EFTUD2: variants seen among roughly 807,000 people sequenced by gnomAD.
EFTUD2 encodes the protein 116 kDa U5 small nuclear ribonucleoprotein component.
Under a neutral mutation model 114.3 loss-of-function variants are expected in EFTUD2, and 9 were observed. That is an observed-to-expected ratio of 0.08 (90% CI 0.05 to 0.14). EFTUD2 has a LOEUF of 0.14. EFTUD2 is among the 10% of genes least tolerant of loss of function. The pLI, the probability that EFTUD2 is intolerant of heterozygous loss-of-function variation, is 1.00. For missense variants in EFTUD2, 765 were observed against 1,241.2 expected (o/e 0.62, Z 5.76); for synonymous variants, 449 against 462.3 (o/e 0.97, Z 0.37).
rs567438800 is a variant in EFTUD2 at position 44,885,261 on chromosome 17, C to T, written c.345G>A (p.Glu115=). The change falls in exon 4 of 28, where the codon GAG becomes GAA. Residue 115 remains glutamate, a synonymous_variant. Coordinates refer to ENST00000426333, the MANE Select transcript of EFTUD2 (RefSeq NM_004247.4). ...TGAGAAACCTTGTAACTTACTCCAT[C>T]TCATACACCGTAACAGGTAATGTCT... ...MEQTLPVTVY[E]MDFLADLMDN... 1.2e-6 allele frequency: 2 copies of T among 1,613,134 alleles called. No individual in the cohort carries two copies. The highest frequency in any genetic ancestry group is 2.2e-5 in the South Asian group (2 of 91,006).
chr17:44,850,406 A>G lies in EFTUD2; in HGVS notation c.*868T>C, dbSNP rs1170752393. 5 of 1,607,970 alleles carry G rather than the reference A, an allele frequency of 3.1e-6. No homozygotes were observed. Among genetic ancestry groups the G allele is most frequent in the Non-Finnish European group, 4.3e-6 (5 of 1,175,606 alleles). ...TGCTGGAGAGAAGTAGGACTCCTAT[A>G]GGAGCCGGGGCTGTCCAACTCCCCT... On this transcript the variant is annotated 3_prime_UTR_variant, in exon 28 of 28. Coordinates refer to ENST00000426333, the MANE Select transcript of EFTUD2 (RefSeq NM_004247.4).
rs918548390 is a variant in EFTUD2 at position 44,862,886 on chromosome 17, A to G, written c.1434T>C (p.Thr478=). The change falls in exon 16 of 28, where the codon ACT becomes ACC. Residue 478 remains threonine, a synonymous_variant. Coordinates refer to ENST00000426333, the MANE Select transcript of EFTUD2 (RefSeq NM_004247.4). The stretch of plus-strand genomic sequence containing the variant: ...CATCATCTGTGCTGTACATCTTAGT[A>G]GTGTGGCACATCAGGGGGCCCTGGA... ...CDPDGPLMCH[T]TKMYSTDDGV... is the part of the protein sequence containing the mutation. 17 of 1,610,890 alleles carry G rather than the reference A, an allele frequency of 1.1e-5. No homozygotes were observed. Among genetic ancestry groups the G allele is most frequent in the Non-Finnish European group, 1.4e-5 (16 of 1,177,402 alleles).
intron 15 of EFTUD2, 30 bp downstream of exon 15, chr17:44,863,624 AC>A: frequency 6.2e-7 from 1 of 1,601,914 alleles, no homozygotes; most frequent in Non-Finnish European, 8.5e-7. Context: ...GGAAAAAAAG[AC>A]CAGAGAACCG....
intron 10 of EFTUD2, among the ~76,000 whole-genome samples, chr17:44,875,131 C>T (rs1333349727): frequency 6.6e-6 from 1 of 151,822 alleles, no homozygotes; most frequent in Non-Finnish European, 1.5e-5. Flanking sequence ...TTTGGAAGGC[C>T]AAGGTGGAAG....
chr17:44,882,774 T>C (rs563980466), intron 6 of EFTUD2, among the ~76,000 whole-genome samples: 10 of 152,280 alleles, frequency 6.6e-5, no homozygotes, highest in Admixed American at 2.0e-4. Flanking sequence ...CCAGGTACAA[T>C]TGTACCATAT....
At chr17:44,868,171 A>AT (rs202135747) in intron 12 of EFTUD2, 116 bp downstream of exon 12, 3,745 of 916,916 alleles carry the variant, frequency 4.1e-3, no homozygotes, top group East Asian at 7.3e-3. Context: ...GGTAGTTTAC[A>AT]TTAAAAAAAA....
intron 10 of EFTUD2, 110 bp downstream of exon 10, chr17:44,875,824 C>A (rs2050937873): frequency 7.1e-7 from 1 of 1,416,180 alleles, no homozygotes. Context: ...TTTTGCCCAA[C>A]AAACTCATCA....
At chr17:44,894,159 C>T (rs751601630) in intron 2 of EFTUD2, 21 of 366,906 alleles carry the variant, frequency 5.7e-5, no homozygotes, top group South Asian at 5.4e-4. Flanking sequence ...GTGGACTGCT[C>T]GAGCTCAGGA....
At chr17:44,875,454 C>T (rs1050429966) in intron 10 of EFTUD2, among the ~76,000 whole-genome samples, 4 of 151,936 alleles carry the variant, frequency 2.6e-5, no homozygotes, top group South Asian at 4.1e-4. Context: ...GGCATGAACC[C>T]GGGAGGCGGA....
At position 44,859,167 on chromosome 17, in the gene EFTUD2, G is replaced by A. The variant is rs774829944; in HGVS notation, c.1875C>T (p.Gly625=). The A allele has an allele frequency of 2.4e-5, 39 of 1,612,934 alleles. No homozygotes were observed. Among genetic ancestry groups the A allele is most frequent in the East Asian group, 4.5e-5 (2 of 44,892 alleles). Residue 625 remains glycine (G), a synonymous_variant, in exon 19 of 28, where the codon GGC becomes GGT. Coordinates refer to ENST00000426333, the MANE Select transcript of EFTUD2 (RefSeq NM_004247.4). The stretch of plus-strand genomic sequence containing the variant: ...CCCCAGTGCCCAGGATCACATGCTC[G>A]CCAGACTCCTCCACCTGAAACACAA... ...PSLTTKVEES[G]EHVILGTGEL... is the part of the protein sequence containing the mutation.
chr17:44,873,600 T>C (rs2050893395), intron 10 of EFTUD2, among the ~76,000 whole-genome samples: 1 of 152,134 alleles, frequency 6.6e-6, no homozygotes, highest in South Asian at 2.1e-4. Context: ...AATATCCTGC[T>C]TGGCCTCCCA....
chr17:44,881,562 A>T, intron 7 of EFTUD2, 125 bp downstream of exon 7: 4 of 998,970 alleles, frequency 4.0e-6, no homozygotes, highest in African/African-American at 1.6e-5. Flanking sequence ...GGGATGTGAG[A>T]AGTGGAGAGA....
In EFTUD2 at chr17:44,863,650, C is replaced by A. The variant is rs1447338331; in HGVS notation, c.1413+5G>T. The stretch of plus-strand genomic sequence containing the variant: ...CCAGAGAACCGGGGAGCCACATGCC[C>A]TTACATCAGGGTCACAGTCACTCAT... On this transcript the variant is annotated splice_donor_5th_base_variant and intron_variant, in intron 15 of 27. Transcript: ENST00000426333. 2 of 1,612,266 alleles carry A rather than the reference C, an allele frequency of 1.2e-6. No individual in the cohort carries two copies. Among genetic ancestry groups the A allele is most frequent in the Non-Finnish European group, 1.7e-6 (2 of 1,179,078 alleles).
intron 13 of EFTUD2, among the ~76,000 whole-genome samples, chr17:44,866,255 T>C (rs1295301391): frequency 9.2e-5 from 14 of 152,164 alleles, no homozygotes. Context: ...TGTTTTGTTT[T>C]TTTCTGAGAC....
At chr17:44,856,997 T>G in intron 20 of EFTUD2, 78 bp downstream of exon 20, 1 of 1,209,420 alleles carries the variant, frequency 8.3e-7, no homozygotes. Flanking sequence ...GTGCTCATGG[T>G]GGGGGTAGAG....
Position 44,854,232 on chromosome 17 carries a change from C to T in EFTUD2, c.2347+37G>A. 6.3e-7 allele frequency: 1 copy of T among 1,585,446 alleles called. No homozygotes were observed. The highest frequency in any genetic ancestry group is 8.6e-7 in the Non-Finnish European group (1 of 1,165,438). ...ACTCATATGCCTGGCTGCAAGGACCCTCGAGGACTGGGGTGGGGGAGTGCT... is the reference window on the plus strand; with the variant it reads ...ACTCATATGCCTGGCTGCAAGGACCTTCGAGGACTGGGGTGGGGGAGTGCT... On this transcript the variant is annotated intron_variant, in intron 23 of 27. Transcript: ENST00000426333. This position sits in a 1 kb window ranked among gnomAD's most constrained non-coding sequence, Gnocchi z 4.3.
At chr17:44,881,804 C>T (rs978727360) in intron 6 of EFTUD2, 82 bp from the exon 7 acceptor site, 2 of 1,307,042 alleles carry the variant, frequency 1.5e-6, no homozygotes, top group Non-Finnish European at 2.2e-6. Context: ...TCCCTCACTA[C>T]CTCCCAGCTC....
chr17:44,886,710 T>C lies in EFTUD2; in HGVS notation c.146A>G (p.Asp49Gly), dbSNP rs2051180191. 6.2e-7 allele frequency: 1 copy of C among 1,613,976 alleles called. No homozygotes were observed. The change falls in exon 3 of 28, where the codon GAC becomes GGC. Residue 49 changes from aspartate (D) to glycine (G), a missense_variant. Asp to Gly is a moderately conservative substitution (Grantham distance 94, BLOSUM62 -1). Coordinates refer to ENST00000426333, the MANE Select transcript of EFTUD2 (RefSeq NM_004247.4). ...CACCTCCATCCCAGGGTGGTCATCGTCATGATCTCCTACGTCATCGTCGTC... is the reference window on the plus strand; with the variant it reads ...CACCTCCATCCCAGGGTGGTCATCGCCATGATCTCCTACGTCATCGTCGTC... ...DDDDDDVGDH[D>G]DDHPGMEVVL...
chr17:44,871,839 T>C (rs1038001443), intron 11 of EFTUD2, among the ~76,000 whole-genome samples: 4 of 152,122 alleles, frequency 2.6e-5, no homozygotes, highest in Non-Finnish European at 4.4e-5. Flanking sequence ...AACTGCAACA[T>C]TGAACACAGA....
Sources: allele counts gnomAD v4.1 joint callset (sites outside exome capture counted in the v4.1 genomes callset), GRCh38; gene constraint gnomAD v4.1.1; non-coding constraint Gnocchi (gnomAD v3.1); transcripts MANE v1.5; gene names NCBI Gene and HGNC (gene_info 2026-07-23, HGNC 2026-07-21).